Variants in MIGA1 observed in about 807,000 individuals in gnomAD.
MIGA1 encodes the protein family with sequence similarity 73, member A.
A neutral mutation model predicts 82.0 loss-of-function variants in MIGA1; 58 were observed. The observed-to-expected ratio is 0.71, with a 90% CI of 0.57 to 0.88. The LOEUF (loss-of-function observed/expected upper bound fraction) is 0.88, where lower values mean the gene tolerates loss of function less well. Ranked by LOEUF, MIGA1 falls within the 40% of genes least tolerant of loss-of-function variation. MIGA1 has a pLI of 0.00. For missense variants in MIGA1, 751 were observed against 749.1 expected (o/e 1.00, Z -0.03); for synonymous variants, 249 against 253.6 (o/e 0.98, Z 0.17).
At chr1:77,821,969 G>A (rs1004617121) in intron 7 of MIGA1, among the ~76,000 whole-genome samples, 1 of 152,168 alleles carries the variant, frequency 6.6e-6, no homozygotes, top group Non-Finnish European at 1.5e-5. Context: ...CATGGTGACA[G>A]TAGTTAATAA....
chr1:77,831,294 A>G (rs906668689), intron 7 of MIGA1, among the ~76,000 whole-genome samples: 1 of 152,192 alleles, frequency 6.6e-6, no homozygotes, highest in Non-Finnish European at 1.5e-5. Context: ...TTTCTGCATG[A>G]TAGTGTTACT....
At chr1:77,813,713 T>A in intron 5 of MIGA1, 21 bp from the exon 6 acceptor site, 1 of 1,610,518 alleles carries the variant, frequency 6.2e-7, no homozygotes, top group South Asian at 1.1e-5. Context: ...CAGTTAAAAT[T>A]GTTCTGTTCT....
At position 77,875,430 on chromosome 1, in the gene MIGA1, A is replaced by G. The variant is rs1254377488; in HGVS notation, c.*366A>G. 1 of 181,754 alleles carries G rather than the reference A, an allele frequency of 5.5e-6. No individual in the cohort carries two copies. Among genetic ancestry groups the G allele is most frequent in the Non-Finnish European group, 1.2e-5 (1 of 86,462 alleles). 11.3% of individuals were successfully genotyped at this position (181,754 alleles called of 1,614,324 possible). A position where few individuals can be genotyped will look rare whatever the true frequency, so the allele number is the denominator to read the frequency against. ...TTTGCACCTTTAAAATGTACACTTT[A>G]GCCAAGGTCTTTGTGGCCCACACAT... On this transcript the variant is annotated 3_prime_UTR_variant, in exon 16 of 16. Coordinates refer to ENST00000370791, the MANE Select transcript of MIGA1 (RefSeq NM_198549.4).
intron 8 of MIGA1, chr1:77,847,988 T>TA: frequency 8.2e-7 from 1 of 1,225,396 alleles, no homozygotes; most frequent in Non-Finnish European, 1.2e-6. Context: ...ACCACAGGAA[T>TA]CAAAACCACT....
intron 1 of MIGA1, among the ~76,000 whole-genome samples, chr1:77,782,415 T>G (rs1294506773): frequency 6.6e-6 from 1 of 152,172 alleles, no homozygotes; most frequent in Non-Finnish European, 1.5e-5. Flanking sequence ...GATGGTATGT[T>G]TTGATAGAAT....
At chr1:77,796,021 T>G (rs1200392496) in intron 2 of MIGA1, among the ~76,000 whole-genome samples, 1 of 152,164 alleles carries the variant, frequency 6.6e-6, no homozygotes, top group Non-Finnish European at 1.5e-5. Flanking sequence ...TTAACTATAG[T>G]GTATTACTCA....
rs374230686 is a variant in MIGA1, at chr1:77,851,876, CTT to C, written c.997-7045_997-7044del. Among the ~76,000 whole-genome samples, 540 of 120,336 alleles carry C rather than the reference CTT, an allele frequency of 4.5e-3. 4 individuals are homozygous for C. Among genetic ancestry groups the C allele is most frequent in the African/African-American group, 0.015 (501 of 33,102 alleles). 78.9% of individuals were successfully genotyped at this position (120,336 alleles called of 152,430 possible). ...ATTGGAGCCCAGTTTAGTTTTCTTTCTTTTTTTTTTTTTTTTTTGAGACAGAG... is the reference window on the plus strand; with the variant it reads ...ATTGGAGCCCAGTTTAGTTTTCTTTCTTTTTTTTTTTTTTTTGAGACAGAG... On this transcript the variant is annotated intron_variant, in intron 8 of 15. Transcript: ENST00000370791.
intron 13 of MIGA1, 58 bp downstream of exon 13, chr1:77,864,086 C>T (rs1326256995): frequency 2.7e-5 from 42 of 1,559,460 alleles, no homozygotes; most frequent in Admixed American, 3.9e-5. Context: ...TGAGGCTGGG[C>T]GCAGTAGCTC....
intron 14 of MIGA1, 28 bp downstream of exon 14, chr1:77,866,419 T>A: frequency 6.2e-7 from 1 of 1,606,200 alleles, no homozygotes; most frequent in Non-Finnish European, 8.5e-7. Context: ...CTGAATTCCT[T>A]TGTTAAATCA....
At chr1:77,830,845 C>G (rs574340465) in intron 7 of MIGA1, among the ~76,000 whole-genome samples, 41 of 152,200 alleles carry the variant, frequency 2.7e-4, no homozygotes, top group Admixed American at 9.8e-4. Context: ...GTACCTGACA[C>G]AGCAAACAAA....
At chr1:77,790,838 T>C (rs1366298493) in intron 2 of MIGA1, among the ~76,000 whole-genome samples, 3 of 152,100 alleles carry the variant, frequency 2.0e-5, no homozygotes, top group Non-Finnish European at 4.4e-5. Context: ...TCCACCCGCC[T>C]CAGCCTCCCA....
chr1:77,823,824 A>G (rs1340217385), intron 7 of MIGA1, among the ~76,000 whole-genome samples: 2 of 152,328 alleles, frequency 1.3e-5, no homozygotes, highest in Non-Finnish European at 2.9e-5. Context: ...CTTAGTTTCA[A>G]AGCTGGTGGG....
At chr1:77,866,115 C>T (rs1685653939) in intron 13 of MIGA1, among the ~76,000 whole-genome samples, 1 of 152,090 alleles carries the variant, frequency 6.6e-6, no homozygotes, top group African/African-American at 2.4e-5. Context: ...TGGGGTTTCA[C>T]CGTCTTGGCC....
At chr1:77,839,614 C>T (rs1055974458) in intron 7 of MIGA1, among the ~76,000 whole-genome samples, 5 of 151,878 alleles carry the variant, frequency 3.3e-5, no homozygotes, top group Non-Finnish European at 5.9e-5. Context: ...CTCAAGTGAT[C>T]CTCCCGCCTC....
At chr1:77,805,083 C>T (rs1455954183) in intron 4 of MIGA1, among the ~76,000 whole-genome samples, 1 of 150,682 alleles carries the variant, frequency 6.6e-6, no homozygotes, top group Non-Finnish European at 1.5e-5. Flanking sequence ...CAAGCTCTGC[C>T]TCCTGGGTTC....
intron 2 of MIGA1, among the ~76,000 whole-genome samples, chr1:77,794,575 A>G (rs1682575254): frequency 1.3e-5 from 2 of 152,204 alleles, no homozygotes; most frequent in Non-Finnish European, 2.9e-5. Flanking sequence ...GTTACTGGTG[A>G]TAGTAGCTTT....
chr1:77,779,848 C>G (rs1439093970), intron 1 of MIGA1, 112 bp downstream of exon 1: 1 of 1,432,928 alleles, frequency 7.0e-7, no homozygotes, highest in Non-Finnish European at 9.1e-7. Flanking sequence ...CGGACTCCAT[C>G]GCTGGCGTTA....
intron 9 of MIGA1, 128 bp from the exon 10 acceptor site, chr1:77,859,186 G>T: frequency 1.0e-6 from 1 of 984,734 alleles, no homozygotes. Flanking sequence ...ATTTTTACAT[G>T]TTCTGTCAGT....
intron 13 of MIGA1, among the ~76,000 whole-genome samples, chr1:77,865,547 C>T (rs776111853): frequency 6.6e-6 from 1 of 152,002 alleles, no homozygotes; most frequent in Non-Finnish European, 1.5e-5. Flanking sequence ...GAACCGAGAT[C>T]ACTCCTTTGC....
Sources: allele counts gnomAD v4.1 joint callset (sites outside exome capture counted in the v4.1 genomes callset), GRCh38; gene constraint gnomAD v4.1.1; transcripts MANE v1.5; gene names NCBI Gene and HGNC (gene_info 2026-07-23, HGNC 2026-07-21).